Variants in ZNF423 observed in about 807,000 individuals in gnomAD.
ZNF423 encodes Ebf-associated zinc finger protein.
Under a neutral mutation model 95.8 loss-of-function variants are expected in ZNF423, and 12 were observed. That is an observed-to-expected ratio of 0.13 (90% CI 0.08 to 0.20). ZNF423 has a LOEUF of 0.20. ZNF423 is among the 10% of genes least tolerant of loss of function. The pLI, the probability that ZNF423 is intolerant of heterozygous loss-of-function variation, is 1.00. For synonymous variants in ZNF423, 749 were observed against 711.9 expected (o/e 1.05, Z -0.83); for missense variants, 1,316 against 1,737.1 (o/e 0.76, Z 4.31).
intron 7 of ZNF423, chr16:49,518,669 G>T (rs530368521): frequency 2.7e-6 from 1 of 369,906 alleles, no homozygotes; most frequent in Non-Finnish European, 5.1e-6. Context: ...TTTCTATGGC[G>T]ATATATTTTT....
intron 1 of ZNF423, among the ~76,000 whole-genome samples, chr16:49,800,040 T>C (rs2034557815): frequency 6.6e-6 from 1 of 152,148 alleles, no homozygotes; most frequent in South Asian, 2.1e-4. Context: ...GGCTAGGAGT[T>C]CGAGACCAGC....
intron 5 of ZNF423, among the ~76,000 whole-genome samples, chr16:49,554,695 G>T (rs6500232): frequency 0.046 from 7,054 of 151,774 alleles, 549 homozygotes; most frequent in African/African-American, 0.16. Flanking sequence ...ATTATTTTCA[G>T]TTGGCTTTTC....
chr16:49,530,313 C>T (rs1443842812), intron 5 of ZNF423, among the ~76,000 whole-genome samples: 1 of 152,140 alleles, frequency 6.6e-6, no homozygotes, highest in East Asian at 1.9e-4. Context: ...AGGCCTTACT[C>T]GAGACCCCCA....
intron 1 of ZNF423, among the ~76,000 whole-genome samples, chr16:49,804,893 T>C (rs1329281788): frequency 4.3e-5 from 3 of 69,992 alleles, no homozygotes; most frequent in African/African-American, 9.8e-5. Context: ...TCCCACAGCT[T>C]TTTTTTTTTT....
chr16:49,823,736 T>C (rs1403582546), intron 1 of ZNF423, among the ~76,000 whole-genome samples: 4 of 151,468 alleles, frequency 2.6e-5, no homozygotes, highest in African/African-American at 9.7e-5. Context: ...GGAGGGAAAA[T>C]ACACACACAC....
chr16:49,830,611 C>G lies in ZNF423; in HGVS notation c.40+25124G>C, dbSNP rs118137178. Among the ~76,000 whole-genome samples, 38 of 152,290 alleles carry G rather than the reference C, an allele frequency of 2.5e-4. No individual in the cohort carries two copies. In the East Asian group the frequency reaches 7.0e-3, roughly 28 times the overall value. On this transcript the variant is annotated intron_variant, in intron 1 of 7. Coordinates refer to ENST00000563137, the MANE Select transcript of ZNF423 (RefSeq NM_001379286.1). ...AGGAGAGGTATCTTTCCCCTAAAGA[C>G]AGGCCTGTGTCAGGGAGCTTCTCTC...
chr16:49,610,274 C>T (rs1486891473), intron 5 of ZNF423, among the ~76,000 whole-genome samples: 1 of 152,122 alleles, frequency 6.6e-6, no homozygotes, highest in Non-Finnish European at 1.5e-5. Flanking sequence ...ACTGTAGATA[C>T]CACTAATTCC....
At chr16:49,581,797 G>A (rs1408500020) in intron 5 of ZNF423, among the ~76,000 whole-genome samples, 1 of 152,030 alleles carries the variant, frequency 6.6e-6, no homozygotes, top group African/African-American at 2.4e-5. Context: ...ATTAAGCAAG[G>A]CTCGAGGAAT....
chr16:49,531,012 G>A (rs564204764), intron 5 of ZNF423, among the ~76,000 whole-genome samples: 19 of 152,342 alleles, frequency 1.2e-4, no homozygotes, highest in Non-Finnish European at 2.5e-4. Context: ...GCATCTCCAT[G>A]TTTGAGCCTG....
intron 1 of ZNF423, among the ~76,000 whole-genome samples, chr16:49,792,076 T>C (rs1181280674): frequency 6.9e-6 from 1 of 144,788 alleles, no homozygotes; most frequent in Non-Finnish European, 1.5e-5. Context: ...AAGGTAGGGG[T>C]GATAGCTAAG....
intron 3 of ZNF423, among the ~76,000 whole-genome samples, chr16:49,716,014 G>C (rs2032695449): frequency 6.6e-6 from 1 of 152,066 alleles, no homozygotes; most frequent in East Asian, 1.9e-4. Context: ...TCAAGCAGGA[G>C]GAGGAGAAGC....
intron 3 of ZNF423, among the ~76,000 whole-genome samples, chr16:49,729,662 A>ATTG (rs1447392739): frequency 6.8e-6 from 1 of 147,404 alleles, no homozygotes; most frequent in Non-Finnish European, 1.5e-5. Context: ...TATTATTATT[A>ATTG]TTATTATTAT....
chr16:49,788,450 T>C (rs1359315702), intron 2 of ZNF423, among the ~76,000 whole-genome samples: 1 of 152,256 alleles, frequency 6.6e-6, no homozygotes, highest in Non-Finnish European at 1.5e-5. Context: ...CAAATGTCTA[T>C]AATACCACAC....
At chr16:49,736,692 G>C (rs13336966) in intron 2 of ZNF423, among the ~76,000 whole-genome samples, 53,315 of 152,058 alleles carry the variant, frequency 0.35, 9,626 homozygotes, top group African/African-American at 0.43. Flanking sequence ...CTACTTGAGA[G>C]GCTGAAGCAG....
intron 5 of ZNF423, among the ~76,000 whole-genome samples, chr16:49,588,330 G>A (rs1464458494): frequency 6.6e-6 from 1 of 152,208 alleles, no homozygotes; most frequent in African/African-American, 2.4e-5. Context: ...CACACTGGGG[G>A]CGTCTGTCCA....
intron 1 of ZNF423, among the ~76,000 whole-genome samples, chr16:49,802,264 GC>G (rs1435680769): frequency 1.3e-5 from 2 of 152,122 alleles, no homozygotes; most frequent in African/African-American, 2.4e-5. Context: ...CTCTCACTCT[GC>G]CCCGCTCCCA....
chr16:49,821,843 G>A (rs1042235481), intron 1 of ZNF423, among the ~76,000 whole-genome samples: 5 of 152,130 alleles, frequency 3.3e-5, no homozygotes, highest in Admixed American at 1.3e-4. Flanking sequence ...TACCACCCCC[G>A]ACAGCCCAGA....
chr16:49,789,654 TA>T, intron 1 of ZNF423, 108 bp from the exon 2 acceptor site: 2 of 1,039,458 alleles, frequency 1.9e-6, no homozygotes, highest in East Asian at 5.9e-5. Context: ...CTTATTATAA[TA>T]CCCATCACCA....
chr16:49,795,734 G>T (rs541404341), intron 1 of ZNF423, among the ~76,000 whole-genome samples: 2 of 152,324 alleles, frequency 1.3e-5, no homozygotes, highest in African/African-American at 4.8e-5. Context: ...ACTCCCAGCT[G>T]TCCTGGGATA....
Sources: gnomAD v4.1 joint callset for allele counts (sites outside exome capture counted in the v4.1 genomes callset) on GRCh38, gnomAD v4.1.1 for gene constraint, MANE v1.5 for transcripts, NCBI Gene and HGNC (gene_info 2026-07-23, HGNC 2026-07-21) for gene names.